Variants in TBC1D5 observed in about 807,000 individuals in gnomAD.
TBC1D5 encodes the protein TBC1 domain family, member 5.
A neutral mutation model predicts 100.3 loss-of-function variants in TBC1D5; 75 were observed. The observed-to-expected ratio is 0.75, with a 90% CI of 0.62 to 0.91. The LOEUF is 0.91. TBC1D5 is among the 40% of genes least tolerant of loss of function. The probability of loss-of-function intolerance (pLI) is 0.00; values close to 1 mark genes in which losing one functional copy is unlikely to be tolerated. For synonymous variants in TBC1D5, 323 were observed against 325.6 expected, an observed-to-expected ratio of 0.99 and a Z score of 0.09; for missense variants, 910 against 942.4, an observed-to-expected ratio of 0.97 and a Z score of 0.45.
At chr3:17,388,318 A>G (rs978219469) in intron 8 of TBC1D5, among the ~76,000 whole-genome samples, 3 of 152,166 alleles carry the variant, frequency 2.0e-5, no homozygotes, top group African/African-American at 7.2e-5. Context: ...TTGGTAGGCA[A>G]TATAGGTTTA....
chr3:17,294,765 T>C (rs562727467), intron 14 of TBC1D5, among the ~76,000 whole-genome samples: 10 of 152,346 alleles, frequency 6.6e-5, no homozygotes, highest in Non-Finnish European at 1.3e-4. Context: ...TTTCAGATAA[T>C]GGTATCTCTA....
intron 2 of TBC1D5, among the ~76,000 whole-genome samples, chr3:17,517,999 T>C (rs1455355265): frequency 1.3e-5 from 2 of 152,194 alleles, no homozygotes; most frequent in Non-Finnish European, 2.9e-5. Flanking sequence ...CTGTTGTCAC[T>C]CCTGGCAATA....
At position 17,721,459 on chromosome 3, in the gene TBC1D5, ATGTGTGTGTGTG is replaced by A. The variant is rs59017875; in HGVS notation, c.-101+17872_-101+17883del. ...GACAGAAAAGTAAGTGTGTGAGAGCATGTGTGTGTGTGTGTGTGTGTGTGTGTGTTGTGGCTG... is the reference window on the plus strand; with the variant it reads ...GACAGAAAAGTAAGTGTGTGAGAGCATGTGTGTGTGTGTGTGTTGTGGCTG... On this transcript the variant is annotated intron_variant, in intron 1 of 21. Coordinates refer to ENST00000253692, the Ensembl canonical transcript of TBC1D5. Among the ~76,000 whole-genome samples, 11 of 149,048 alleles carry A rather than the reference ATGTGTGTGTGTG, an allele frequency of 7.4e-5. No homozygotes were observed. In the East Asian group the frequency reaches 7.9e-4, roughly 11 times the overall value.
intron 2 of TBC1D5, among the ~76,000 whole-genome samples, chr3:17,568,855 A>G (rs571105346): frequency 1.3e-5 from 2 of 151,834 alleles, no homozygotes; most frequent in South Asian, 4.1e-4. Flanking sequence ...ATGTAGCTAT[A>G]CAGCATTTGG....
chr3:17,523,161 T>G (rs1311212924), intron 2 of TBC1D5, among the ~76,000 whole-genome samples: 1 of 152,166 alleles, frequency 6.6e-6, no homozygotes, highest in East Asian at 1.9e-4. Flanking sequence ...TTTACATAGG[T>G]GGCAATTGAG....
At chr3:17,183,450 A>G (rs887401677) in intron 19 of TBC1D5, among the ~76,000 whole-genome samples, 2 of 152,348 alleles carry the variant, frequency 1.3e-5, no homozygotes. Flanking sequence ...TTATAGGTCT[A>G]TATGAATTTT....
chr3:17,176,416 G>T (rs2067736579), intron 19 of TBC1D5, among the ~76,000 whole-genome samples: 1 of 152,202 alleles, frequency 6.6e-6, no homozygotes. Flanking sequence ...TGGTAAGTTG[G>T]TATTTTGGTC....
intron 13 of TBC1D5, among the ~76,000 whole-genome samples, chr3:17,367,570 T>TTAAGCC (rs2092225633): frequency 1.3e-5 from 2 of 152,030 alleles, no homozygotes; most frequent in Admixed American, 1.3e-4. Context: ...ACTCAATATG[T>TTAAGCC]TAATTAGGCT....
intron 19 of TBC1D5, among the ~76,000 whole-genome samples, chr3:17,172,168 T>G (rs2067230148): frequency 6.6e-6 from 1 of 152,210 alleles, no homozygotes; most frequent in Admixed American, 6.5e-5. Context: ...CTAGGCTCAC[T>G]TTAAGAAATC....
At position 17,406,401 on chromosome 3, in the gene TBC1D5, A is replaced by G; in HGVS notation, c.276+17T>C. 1 of 1,600,824 alleles carries G rather than the reference A, an allele frequency of 6.2e-7. No homozygotes were observed. ...TATATTGCAACCAGAAACTGTAAAT[A>G]AATATTTTCTTCTTACCTTCCAGCA... On this transcript the variant is annotated intron_variant, in intron 5 of 21. Coordinates refer to ENST00000253692, the Ensembl canonical transcript of TBC1D5.
At chr3:17,187,299 AG>A (rs956968657) in intron 18 of TBC1D5, among the ~76,000 whole-genome samples, 3 of 152,224 alleles carry the variant, frequency 2.0e-5, no homozygotes, top group African/African-American at 7.2e-5. Flanking sequence ...ATTTTGAGCT[AG>A]TTTAAGGGGA....
At chr3:17,276,271 G>A (rs905978618) in intron 15 of TBC1D5, among the ~76,000 whole-genome samples, 2 of 152,146 alleles carry the variant, frequency 1.3e-5, no homozygotes, top group African/African-American at 4.8e-5. Flanking sequence ...CCAACTATGA[G>A]GGGAGAGCCC....
At chr3:17,292,429 C>T (rs1280148864) in intron 14 of TBC1D5, among the ~76,000 whole-genome samples, 1 of 152,086 alleles carries the variant, frequency 6.6e-6, no homozygotes, top group Admixed American at 6.5e-5. Context: ...TGCATTACAA[C>T]TTGTTACATT....
At chr3:17,721,842 G>A (rs374033492) in intron 1 of TBC1D5, among the ~76,000 whole-genome samples, 18 of 151,700 alleles carry the variant, frequency 1.2e-4, no homozygotes, top group Admixed American at 5.3e-4. Context: ...TTAGCCAAGC[G>A]GTAGTGGCAC....
chr3:17,440,256 A>T (rs777501377), intron 3 of TBC1D5, among the ~76,000 whole-genome samples: 11 of 152,214 alleles, frequency 7.2e-5, no homozygotes, highest in Non-Finnish European at 1.2e-4. Flanking sequence ...CCCACTAGAG[A>T]TCAGCATATG....
chr3:17,225,768 C>T (rs1196866194), intron 17 of TBC1D5, among the ~76,000 whole-genome samples: 2 of 151,870 alleles, frequency 1.3e-5, no homozygotes, highest in Non-Finnish European at 2.9e-5. Flanking sequence ...TACTTGAGCC[C>T]AGGAGGTAGA....
At chr3:17,178,622 T>A (rs1559358644) in intron 19 of TBC1D5, among the ~76,000 whole-genome samples, 1 of 152,118 alleles carries the variant, frequency 6.6e-6, no homozygotes, top group East Asian at 1.9e-4. Context: ...CAATTTATGT[T>A]CCCACCAACA....
chr3:17,239,807 G>C (rs1325649541), intron 16 of TBC1D5, among the ~76,000 whole-genome samples: 1 of 152,114 alleles, frequency 6.6e-6, no homozygotes, highest in African/African-American at 2.4e-5. Context: ...CAGTATCTCA[G>C]GGCTATTATC....
At chr3:17,437,086 A>T (rs781478931) in intron 3 of TBC1D5, among the ~76,000 whole-genome samples, 4 of 152,204 alleles carry the variant, frequency 2.6e-5, no homozygotes, top group Non-Finnish European at 5.9e-5. Flanking sequence ...AAAATAGCTT[A>T]ATACTGTGAA....
Sources: allele counts gnomAD v4.1 joint callset (sites outside exome capture counted in the v4.1 genomes callset), GRCh38; gene constraint gnomAD v4.1.1; transcripts MANE v1.5; gene names NCBI Gene and HGNC (gene_info 2026-07-23, HGNC 2026-07-21).